The following SRBD1 variants were observed in gnomAD, a reference collection of about 807,000 sequenced individuals.
SRBD1 encodes the protein S1 RNA-binding domain-containing protein 1.
Under a neutral mutation model 115.3 loss-of-function variants are expected in SRBD1, and 88 were observed. The observed-to-expected ratio is 0.76, with a 90% CI of 0.64 to 0.91. The LOEUF (loss-of-function observed/expected upper bound fraction) is 0.91, where lower values mean the gene tolerates loss of function less well. Among genes scored for constraint, SRBD1 ranks in the 40% least tolerant of loss-of-function variants. The pLI is 0.00. For synonymous variants in SRBD1, 509 were observed against 407.7 expected, an observed-to-expected ratio of 1.25 and a Z score of -2.99; for missense variants, 1,385 against 1,177.4, an observed-to-expected ratio of 1.18 and a Z score of -2.58.
At chr2:45,598,570 A>C (rs1673979918) in intron 4 of SRBD1, among the ~76,000 whole-genome samples, 1 of 151,852 alleles carries the variant, frequency 6.6e-6, no homozygotes, top group African/African-American at 2.4e-5. Context: ...GCACCACTGC[A>C]TTCTAGCCTG....
intron 14 of SRBD1, among the ~76,000 whole-genome samples, chr2:45,500,077 A>C (rs931003352): frequency 1.3e-5 from 2 of 152,164 alleles, no homozygotes; most frequent in Admixed American, 1.3e-4. Flanking sequence ...TCTGTAGATC[A>C]CTTTGGGTAG....
intron 16 of SRBD1, among the ~76,000 whole-genome samples, chr2:45,438,880 T>C (rs1668578372): frequency 6.6e-6 from 1 of 152,044 alleles, no homozygotes. Context: ...TGCAAGAAGC[T>C]CAGTGAACCC....
At chr2:45,551,995 A>G (rs899674510) in intron 11 of SRBD1, among the ~76,000 whole-genome samples, 4 of 152,352 alleles carry the variant, frequency 2.6e-5, no homozygotes, top group South Asian at 2.1e-4. Context: ...TAAGACAGTC[A>G]CCACGGAGAT....
At chr2:45,541,125 C>G (rs1218171442) in intron 14 of SRBD1, among the ~76,000 whole-genome samples, 3 of 152,326 alleles carry the variant, frequency 2.0e-5, no homozygotes, top group Middle Eastern at 3.4e-3. Flanking sequence ...AGCACAGGGT[C>G]CGGCCACTGT....
chr2:45,446,530 G>C (rs1173205140), intron 16 of SRBD1, among the ~76,000 whole-genome samples: 46 of 152,110 alleles, frequency 3.0e-4, no homozygotes, highest in Non-Finnish European at 2.9e-5. Flanking sequence ...CCAAGTCTGA[G>C]TTTTCAAGTG....
chr2:45,412,238 A>C (rs1261262703), intron 19 of SRBD1, among the ~76,000 whole-genome samples: 1 of 152,012 alleles, frequency 6.6e-6, no homozygotes, highest in Non-Finnish European at 1.5e-5. Context: ...CACTGTAAAA[A>C]TTTTTTTTCC....
chr2:45,505,958 G>A (rs541605042), intron 14 of SRBD1, among the ~76,000 whole-genome samples: 5 of 152,152 alleles, frequency 3.3e-5, no homozygotes, highest in African/African-American at 1.2e-4. Flanking sequence ...TTTAAAAGTT[G>A]TTTGTGAATG....
rs1419174639 is a variant in SRBD1, at chr2:45,547,408, T to A, written c.1766+114A>T. On this transcript the variant is annotated intron_variant, in intron 13 of 20. Transcript: ENST00000263736. The stretch of plus-strand genomic sequence containing the variant: ...TGCCCCAGAACTGTTTTATATGGTT[T>A]ATTGTCTCTCACAAAGGCACCTCCC... 6 of 862,744 alleles carry A rather than the reference T, an allele frequency of 7.0e-6. No individual in the cohort carries two copies. The East Asian group carries it at 1.3e-4, about 19-fold the overall frequency. The allele number at this position is 862,744 out of a possible 1,614,324, so 53.4% of individuals were successfully genotyped here.
intron 16 of SRBD1, among the ~76,000 whole-genome samples, chr2:45,437,430 C>A (rs756032839): frequency 6.7e-6 from 1 of 150,098 alleles, no homozygotes; most frequent in Non-Finnish European, 1.5e-5. Context: ...ATAGAGTCAA[C>A]TGATCTTTGA....
chr2:45,415,642 AGGAGGGGAGGGGAGGGGAGG>A (rs1171083231), intron 18 of SRBD1, among the ~76,000 whole-genome samples: 6,581 of 52,780 alleles, frequency 0.12, 969 homozygotes, highest in African/African-American at 0.32. Flanking sequence ...GTGAGAGAAA[AGGAGGGGAGGGGAGGGGAGG>A]GGAGGGGAGG....
At chr2:45,461,598 C>T (rs746427874) in intron 16 of SRBD1, among the ~76,000 whole-genome samples, 1 of 152,194 alleles carries the variant, frequency 6.6e-6, no homozygotes, top group Non-Finnish European at 1.5e-5. Context: ...GTGTGGTACA[C>T]ATCCCCACCT....
chr2:45,571,517 CAA>C (rs58100763), intron 9 of SRBD1, among the ~76,000 whole-genome samples: 906 of 39,356 alleles, frequency 0.023, 6 homozygotes, highest in African/African-American at 0.068. Flanking sequence ...CAGACTTTAC[CAA>C]AAAAAAAAAA....
chr2:45,467,043 T>C (rs1445142765), intron 16 of SRBD1, among the ~76,000 whole-genome samples: 2 of 152,206 alleles, frequency 1.3e-5, no homozygotes, highest in African/African-American at 4.8e-5. Flanking sequence ...AGACCAGTGG[T>C]TCTCAAACCC....
At chr2:45,398,871 T>G (rs554488096) in intron 19 of SRBD1, among the ~76,000 whole-genome samples, 2 of 152,282 alleles carry the variant, frequency 1.3e-5, no homozygotes, top group African/African-American at 4.8e-5. Flanking sequence ...TCATATAATT[T>G]AAACAACTGT....
At position 45,430,856 on chromosome 2, in the gene SRBD1, C is replaced by T. The variant is rs193100382; in HGVS notation, c.2050-10962G>A. On this transcript the variant is annotated intron_variant, in intron 16 of 20. Transcript: ENST00000263736. ...AGAAACTATCATTAGACTTAACAGG[C>T]AACCTATAGAATGGGAGAAAAATTT... is the stretch of plus-strand genomic sequence containing the variant. Among the ~76,000 whole-genome samples the T allele has an allele frequency of 1.6e-4, 25 of 152,248 alleles. No individual in the cohort carries two copies. The East Asian group carries it at 4.8e-3, about 29-fold the overall frequency.
intron 16 of SRBD1, among the ~76,000 whole-genome samples, chr2:45,429,477 A>G (rs1376121025): frequency 1.3e-5 from 2 of 152,162 alleles, no homozygotes; most frequent in African/African-American, 4.8e-5. Flanking sequence ...CTGGGATGCA[A>G]GGCTGATTCA....
chr2:45,412,689 G>C (rs1051074614), intron 19 of SRBD1, among the ~76,000 whole-genome samples: 1 of 152,122 alleles, frequency 6.6e-6, no homozygotes, highest in African/African-American at 2.4e-5. Flanking sequence ...CTCACTAAAA[G>C]TACATCATTT....
chr2:45,439,786 C>G (rs1242587553), intron 16 of SRBD1, among the ~76,000 whole-genome samples: 1 of 144,850 alleles, frequency 6.9e-6, no homozygotes, highest in Non-Finnish European at 1.5e-5. Context: ...GCAGGTAGAT[C>G]ATACCGAAAA....
intron 14 of SRBD1, among the ~76,000 whole-genome samples, chr2:45,491,189 C>T (rs577840049): frequency 3.9e-5 from 6 of 152,100 alleles, no homozygotes; most frequent in Non-Finnish European, 7.4e-5. Context: ...ACTAAATTTA[C>T]GAAAACACTT....
Sources: allele counts gnomAD v4.1 joint callset (sites outside exome capture counted in the v4.1 genomes callset), GRCh38; gene constraint gnomAD v4.1.1; transcripts MANE v1.5; gene names NCBI Gene and HGNC (gene_info 2026-07-23, HGNC 2026-07-21).